The following DCAF6 variants were observed in gnomAD, a reference collection of about 807,000 sequenced individuals.
DCAF6 encodes DDB1 and CUL4 associated factor 6.
DCAF6 carries 54 observed loss-of-function variants against 125.1 expected under a neutral mutation model. The ratio of observed to expected loss-of-function variants is 0.43; its 90% CI spans 0.35 to 0.54. The LOEUF is 0.54. Among genes scored for constraint, DCAF6 ranks in the 20% least tolerant of loss-of-function variants. The pLI is 0.01. For synonymous variants in DCAF6, 371 were observed against 390.4 expected, an observed-to-expected ratio of 0.95 and a Z score of 0.58; for missense variants, 934 against 1,161.7, an observed-to-expected ratio of 0.80 and a Z score of 2.85.
intron 11 of DCAF6, 108 bp from the exon 12 acceptor site, chr1:168,022,880 C>G: frequency 2.0e-6 from 2 of 987,308 alleles, no homozygotes; most frequent in South Asian, 2.8e-5. Context: ...GTACTTACTT[C>G]TATTCCGCAG....
chr1:168,075,219 GTTTTCTTTACTCTTTTA>G, intron 21 of DCAF6, 135 bp from the exon 22 acceptor site: 1 of 645,894 alleles, frequency 1.5e-6, no homozygotes, highest in Non-Finnish European at 2.6e-6. Context: ...ATAATACTGT[GTTTTCTTTACTCTTTTA>G]TTTGCCTCTA....
the DCAF6 span, chr1:167,878,635 A>T: frequency 5.6e-6 from 9 of 1,613,852 alleles, no homozygotes; most frequent in Non-Finnish European, 7.6e-6. Context: ...TTGACCAATG[A>T]CTATAGCAAG....
chr1:168,069,040 C>T (rs1453052497), intron 21 of DCAF6, among the ~76,000 whole-genome samples: 3 of 152,040 alleles, frequency 2.0e-5, no homozygotes, highest in Non-Finnish European at 4.4e-5. Context: ...ATAAATGTCC[C>T]CATACGTTTG....
chr1:168,074,977 A>AT (rs2102053055), intron 21 of DCAF6, among the ~76,000 whole-genome samples: 1 of 152,328 alleles, frequency 6.6e-6, no homozygotes, highest in African/African-American at 2.4e-5. Context: ...ATTTAAAAAA[A>AT]TCTTTTTACA....
intron 13 of DCAF6, among the ~76,000 whole-genome samples, chr1:168,041,765 G>A (rs920819579): frequency 1.3e-5 from 2 of 151,702 alleles, no homozygotes; most frequent in South Asian, 2.1e-4. Flanking sequence ...TATACACTAA[G>A]CGTTTTATTC....
At chr1:167,922,869 A>G in the DCAF6 span, among the ~76,000 whole-genome samples, 1 of 152,212 alleles carries the variant, frequency 6.6e-6, no homozygotes, top group South Asian at 2.1e-4. Flanking sequence ...CACCTTGATT[A>G]AATTAAAAAA....
intron 12 of DCAF6, among the ~76,000 whole-genome samples, chr1:168,030,535 C>A (rs749997121): frequency 6.6e-6 from 1 of 152,120 alleles, no homozygotes; most frequent in African/African-American, 2.4e-5. Flanking sequence ...GAATCACTTA[C>A]GAAGTTCTCC....
At chr1:167,975,109 G>T (rs1223422560) in intron 4 of DCAF6, 94 bp downstream of exon 4, 1 of 702,676 alleles carries the variant, frequency 1.4e-6, no homozygotes, top group African/African-American at 1.9e-5. Flanking sequence ...TACATGTACA[G>T]ATGTGTGTGT....
the DCAF6 span, among the ~76,000 whole-genome samples, chr1:167,889,924 T>C: frequency 6.6e-6 from 1 of 152,242 alleles, no homozygotes; most frequent in East Asian, 1.9e-4. Flanking sequence ...GTCTTTTCTC[T>C]TCTGTTCTTA....
intron 4 of DCAF6, among the ~76,000 whole-genome samples, chr1:167,985,830 A>G (rs1176911010): frequency 6.6e-6 from 1 of 152,202 alleles, no homozygotes; most frequent in Non-Finnish European, 1.5e-5. Context: ...AGTAAAATAT[A>G]TATGTACTCA....
the DCAF6 span, chr1:167,903,959 C>T: frequency 1.2e-6 from 2 of 1,613,902 alleles, no homozygotes; most frequent in East Asian, 4.5e-5. Context: ...ATGTACATGG[C>T]ACTGCTGAAC....
the DCAF6 span, among the ~76,000 whole-genome samples, chr1:167,912,712 T>TA: frequency 6.6e-6 from 1 of 152,170 alleles, no homozygotes; most frequent in Admixed American, 6.5e-5. Context: ...CTCCGATCCT[T>TA]AAAATCACTC....
chr1:167,959,792 A>G (rs1335543354), intron 2 of DCAF6, among the ~76,000 whole-genome samples: 1 of 152,206 alleles, frequency 6.6e-6, no homozygotes, highest in African/African-American at 2.4e-5. Flanking sequence ...GTCTTTTGAA[A>G]GTATTTCCCC....
chr1:168,045,020 A>G lies in DCAF6; in HGVS notation c.2051A>G (p.Glu684Gly). 2 of 1,614,094 alleles carry G rather than the reference A, an allele frequency of 1.2e-6. No individual in the cohort carries two copies. Among genetic ancestry groups the G allele is most frequent in the Non-Finnish European group, 1.7e-6 (2 of 1,179,972 alleles). The change falls in exon 16 of 22, where the codon GAA (glutamate) becomes GGA (glycine). Residue 684 changes from glutamate (E) to glycine (G), a missense_variant. Physicochemically the swap from Glu to Gly is moderately conservative, Grantham distance 98 (BLOSUM62 -2). Around this residue, in one of 5 missense-constraint regions of DCAF6, gnomAD observed 559 missense variants for 635.5 expected, o/e 0.88. Transcript: ENST00000367840. Reference sequence around the variant, plus strand: ...TCTGCTTCATCTGAAAAAGCCAAGGAACCAGAAACTTCAGATCAGACTAGC... The same window carrying G: ...TCTGCTTCATCTGAAAAAGCCAAGGGACCAGAAACTTCAGATCAGACTAGC... ...EESASSEKAKEPETSDQTSTE... is the reference protein window; with the variant it reads ...EESASSEKAKGPETSDQTSTE...
At chr1:167,880,715 C>A in the DCAF6 span, 1 of 786,992 alleles carries the variant, frequency 1.3e-6, no homozygotes, top group Non-Finnish European at 2.3e-6. Flanking sequence ...GCTTCTGAAT[C>A]AGATTTTATC....
At chr1:168,001,649 T>C (rs1682649658) in intron 7 of DCAF6, among the ~76,000 whole-genome samples, 1 of 152,182 alleles carries the variant, frequency 6.6e-6, no homozygotes, top group Non-Finnish European at 1.5e-5. Context: ...TTGTTTTTTT[T>C]CTTAAAAATG....
At chr1:168,060,756 G>A (rs973338118) in intron 17 of DCAF6, among the ~76,000 whole-genome samples, 2 of 152,134 alleles carry the variant, frequency 1.3e-5, no homozygotes, top group South Asian at 4.1e-4. Flanking sequence ...GCCAGATGTG[G>A]TGGAGGCCTG....
chr1:168,063,190 A>G (rs1270877198), intron 17 of DCAF6, among the ~76,000 whole-genome samples: 2 of 152,170 alleles, frequency 1.3e-5, no homozygotes, highest in South Asian at 2.1e-4. Context: ...ATAGAAGTCT[A>G]TCCACTGCTA....
chr1:167,924,246 G>T, the DCAF6 span, among the ~76,000 whole-genome samples: 1 of 151,958 alleles, frequency 6.6e-6, no homozygotes, highest in Admixed American at 6.6e-5. Context: ...ATGTCCATGT[G>T]GTGCACAATT....
Sources: allele counts gnomAD v4.1 joint callset (sites outside exome capture counted in the v4.1 genomes callset), GRCh38; gene constraint gnomAD v4.1.1; regional missense constraint gnomAD v4.1.1; transcripts MANE v1.5; gene names NCBI Gene and HGNC (gene_info 2026-07-23, HGNC 2026-07-21).